CYP4X1: variants seen among roughly 807,000 people sequenced by gnomAD.
CYP4X1 encodes cytochrome P450 4X1.
Under a neutral mutation model 57.9 loss-of-function variants are expected in CYP4X1, and 44 were observed. That is an observed-to-expected ratio of 0.76 (90% CI 0.60 to 0.98). The LOEUF is 0.98. CYP4X1 is among the 50% of genes least tolerant of loss of function. The pLI, the probability that CYP4X1 is intolerant of heterozygous loss-of-function variation, is 0.00. For missense variants in CYP4X1, 532 were observed against 623.9 expected (o/e 0.85, Z 1.57); for synonymous variants, 227 against 228.6 (o/e 0.99, Z 0.06).
chr1:47,023,645 C>A, upstream of CYP4X1: 1 of 1,393,930 alleles, frequency 7.2e-7, no homozygotes, highest in Non-Finnish European at 9.3e-7. Context: ...TGCCTCCTCT[C>A]CCCAGGCCTG....
chr1:47,018,194 T>C, the CYP4X1 span, among the ~76,000 whole-genome samples: 7 of 152,146 alleles, frequency 4.6e-5, no homozygotes, highest in African/African-American at 1.7e-4. Flanking sequence ...AGAGAGTTTT[T>C]ATTTCTGTAA....
chr1:47,033,227 T>C lies in CYP4X1; in HGVS notation c.365-14T>C. The stretch of plus-strand genomic sequence containing the variant: ...ATTAAATGGCATAAGGTTTTCTGCC[T>C]TTTATTTCTCAAGGAAAAGGACTAG... On this transcript the variant is annotated splice_polypyrimidine_tract_variant and intron_variant, in intron 3 of 11. Coordinates refer to ENST00000371901, the MANE Select transcript of CYP4X1 (RefSeq NM_178033.2). The C allele has an allele frequency of 6.2e-7, 1 of 1,609,992 alleles. No individual in the cohort carries two copies. Among genetic ancestry groups the C allele is most frequent in the Non-Finnish European group, 8.5e-7 (1 of 1,178,622 alleles).
At chr1:46,973,797 T>C in the CYP4X1 span, among the ~76,000 whole-genome samples, 9 of 152,248 alleles carry the variant, frequency 5.9e-5, no homozygotes, top group East Asian at 1.5e-3. Context: ...ATTGTGTTTA[T>C]TTGGATCATC....
chr1:47,054,297 T>A (rs1470874613), downstream of CYP4X1, among the ~76,000 whole-genome samples: 1 of 152,174 alleles, frequency 6.6e-6, no homozygotes, highest in African/African-American at 2.4e-5. Flanking sequence ...TTGGTACCAG[T>A]ACCATGCTGT....
chr1:47,048,590 G>T lies in CYP4X1; in HGVS notation c.1233G>T (p.Trp411Cys). The T allele has an allele frequency of 6.2e-7, 1 of 1,614,060 alleles. No individual in the cohort carries two copies. Among genetic ancestry groups the T allele is most frequent in the Non-Finnish European group, 8.5e-7 (1 of 1,179,986 alleles). ...GGATCACCGTGGTTCTTAGTATTTG[G>T]GGTCTTCACCACAACCCTGCTGTCT... ...PAGITVVLSI[W>C]GLHHNPAVWK... is the part of the protein sequence containing the mutation. The change falls in exon 10 of 12, where the codon TGG becomes TGT. Residue 411 changes from tryptophan (W) to cysteine (C), a missense_variant. Trp to Cys is a radical substitution (Grantham distance 215). Transcript: ENST00000371901.
At chr1:46,967,975 A>G in the CYP4X1 span, 2 of 293,630 alleles carry the variant, frequency 6.8e-6, no homozygotes, top group Non-Finnish European at 1.2e-5. Flanking sequence ...ACTCTTCCAC[A>G]GTGTGTGGTT....
intron 1 of CYP4X1, among the ~76,000 whole-genome samples, chr1:47,026,996 T>A (rs897161914): frequency 1.3e-5 from 2 of 152,240 alleles, no homozygotes. Context: ...ATTACAGGCG[T>A]GAGCCACCAC....
intron 4 of CYP4X1, among the ~76,000 whole-genome samples, chr1:47,035,296 G>A (rs948119185): frequency 2.0e-5 from 3 of 152,034 alleles, no homozygotes; most frequent in Admixed American, 6.5e-5. Context: ...TTTGCTGGGG[G>A]CAGCTCCCTG....
At position 47,024,066 on chromosome 1, in the gene CYP4X1, CAG is replaced by C. The variant is rs1183278461; in HGVS notation, c.177+78_177+79del. 17 of 1,500,578 alleles carry C rather than the reference CAG, an allele frequency of 1.1e-5. No homozygotes were observed. The African/African-American group carries it at 1.7e-4, about 15-fold the overall frequency. 93.0% of individuals were successfully genotyped at this position (1,500,578 alleles called of 1,614,324 possible). ...GGATGCGGCAGAGGAGCCCAGCCGG[CAG>C]AGAGACGCAGCTTTCTTCCATCCCT... On this transcript the variant is annotated intron_variant, in intron 1 of 11. Transcript: ENST00000371901.
chr1:47,045,872 C>A (rs1644295419), intron 8 of CYP4X1, among the ~76,000 whole-genome samples: 1 of 152,180 alleles, frequency 6.6e-6, no homozygotes, highest in Admixed American at 6.5e-5. Context: ...TTCCCTCTTG[C>A]CAGTTAATTG....
At chr1:47,038,961 T>C (rs967810367) in intron 7 of CYP4X1, among the ~76,000 whole-genome samples, 195 bp downstream of exon 7, 2 of 152,142 alleles carry the variant, frequency 1.3e-5, no homozygotes, top group African/African-American at 4.8e-5. Context: ...GGAGGGTTAG[T>C]AAAGACTAAA....
chr1:47,048,676 G>T (rs1644328922), intron 10 of CYP4X1, 47 bp downstream of exon 10: 2 of 1,544,478 alleles, frequency 1.3e-6, no homozygotes, highest in Non-Finnish European at 1.7e-6. Flanking sequence ...CTAATGCTGT[G>T]CAAGTCACTT....
the CYP4X1 span, among the ~76,000 whole-genome samples, chr1:46,985,861 G>T: frequency 3.3e-5 from 5 of 152,302 alleles, no homozygotes; most frequent in East Asian, 9.6e-4. Context: ...AACTCCATCC[G>T]AAGATCACCA....
intron 3 of CYP4X1, among the ~76,000 whole-genome samples, chr1:47,031,975 G>A (rs1171462361): frequency 6.6e-6 from 1 of 152,032 alleles, no homozygotes; most frequent in African/African-American, 2.4e-5. Flanking sequence ...CCTAGGAGGT[G>A]GAGGTTGCCG....
chr1:47,043,940 T>C (rs72892628), intron 8 of CYP4X1, among the ~76,000 whole-genome samples: 2,679 of 152,298 alleles, frequency 0.018, 81 homozygotes, highest in African/African-American at 0.062. Flanking sequence ...TCTATTTGCA[T>C]GGAATATTTT....
At chr1:47,032,188 G>C (rs1644132421) in intron 3 of CYP4X1, among the ~76,000 whole-genome samples, 1 of 151,824 alleles carries the variant, frequency 6.6e-6, no homozygotes, top group Non-Finnish European at 1.5e-5. Flanking sequence ...GTAAAATTTT[G>C]CTCTAGAGTT....
the CYP4X1 span, among the ~76,000 whole-genome samples, chr1:46,975,119 T>C: frequency 6.6e-6 from 1 of 152,224 alleles, no homozygotes; most frequent in Admixed American, 6.5e-5. Context: ...TATTATTGCC[T>C]GCAGTCATCC....
At chr1:47,016,552 A>G in the CYP4X1 span, among the ~76,000 whole-genome samples, 2 of 152,114 alleles carry the variant, frequency 1.3e-5, no homozygotes, top group East Asian at 1.9e-4. Context: ...CATGTTAGCC[A>G]GGATGGTCTC....
At chr1:47,038,458 A>T (rs770757700) in intron 6 of CYP4X1, among the ~76,000 whole-genome samples, 2 of 152,144 alleles carry the variant, frequency 1.3e-5, no homozygotes, top group African/African-American at 4.8e-5. Context: ...GATGGAAACT[A>T]TGTTTTTTAT....
Sources: allele counts gnomAD v4.1 joint callset (sites outside exome capture counted in the v4.1 genomes callset), GRCh38; gene constraint gnomAD v4.1.1; transcripts MANE v1.5; gene names NCBI Gene and HGNC (gene_info 2026-07-23, HGNC 2026-07-21).